TCEA3: variants seen among roughly 807,000 people sequenced by gnomAD.
TCEA3 encodes transcription elongation factor A protein 3.
A neutral mutation model predicts 44.0 loss-of-function variants in TCEA3; 36 were observed. The ratio of observed to expected loss-of-function variants is 0.82; its 90% confidence interval spans 0.63 to 1.08. TCEA3 has a LOEUF of 1.08. TCEA3 is among the 50% of genes least tolerant of loss of function. The probability of loss-of-function intolerance (pLI) is 0.00; values close to 1 mark genes in which losing one functional copy is unlikely to be tolerated. For missense variants in TCEA3, 392 were observed against 441.2 expected (o/e 0.89, Z 1.00); for synonymous variants, 162 against 159.7 (o/e 1.01, Z -0.11).
chr1:23,403,470 A>G (rs1185658849), intron 5 of TCEA3: 2 of 152,260 alleles, frequency 1.3e-5, no homozygotes, highest in African/African-American at 4.8e-5. Context: ...ACCAGGTTTC[A>G]TATGAGTATT....
chr1:23,410,388 G>A (rs1639673688), intron 4 of TCEA3, among the ~76,000 whole-genome samples: 1 of 152,044 alleles, frequency 6.6e-6, no homozygotes, highest in African/African-American at 2.4e-5. Context: ...TGACTGTTAT[G>A]AAAACTGTTC....
rs748263280 is a variant in TCEA3, at chr1:23,417,975, C to T, written c.167G>A (p.Arg56His). ...CACCTCCTTGTCTGAGCAGTGCTTG[C>T]GGACCCCATTAACAGCAACTCCAAT... Reference protein sequence around the residue: ...TRIGVAVNGVRKHCSDKEVVS... With the variant: ...TRIGVAVNGVHKHCSDKEVVS... Residue 56 changes from arginine to histidine, a missense_variant, in exon 3 of 11, where the codon CGC (arginine) becomes CAC (histidine). Transcript: ENST00000450454. 18 of 1,613,914 alleles carry T rather than the reference C, an allele frequency of 1.1e-5. No homozygotes were observed. The highest frequency in any genetic ancestry group is 6.7e-5 in the African/African-American group (5 of 74,936).
At chr1:23,390,355 C>T (rs902633526) in intron 8 of TCEA3, among the ~76,000 whole-genome samples, 1 of 152,124 alleles carries the variant, frequency 6.6e-6, no homozygotes, top group Non-Finnish European at 1.5e-5. Flanking sequence ...CAGGTGCATG[C>T]CTGCAGTCCT....
In TCEA3 at chr1:23,417,924, T is replaced by C; in HGVS notation, c.218A>G (p.Lys73Arg). ...EVVSLAKVLI[K>R]NWKRLLDSPG... ...CTCACCTAGCAGCCGCTTCCAGTTT[T>C]TGATAAGGACTTTGGCCAAGGACAC... is the stretch of plus-strand genomic sequence containing the variant. Residue 73 changes from lysine to arginine, a missense_variant, in exon 3 of 11, where the codon AAA becomes AGA. Transcript: ENST00000450454. 6 of 1,614,060 alleles carry C rather than the reference T, an allele frequency of 3.7e-6. No homozygotes were observed. The highest frequency in any genetic ancestry group is 5.1e-6 in the Non-Finnish European group (6 of 1,179,904).
intron 6 of TCEA3, 78 bp downstream of exon 6, chr1:23,397,714 A>T (rs1424104399): frequency 2.4e-5 from 39 of 1,609,720 alleles, no homozygotes; most frequent in Non-Finnish European, 3.3e-5. Flanking sequence ...GCTGAGAAAG[A>T]CTGAATTTCA....
intron 4 of TCEA3, among the ~76,000 whole-genome samples, chr1:23,413,521 C>G (rs1639796633): frequency 6.6e-6 from 1 of 152,110 alleles, no homozygotes; most frequent in South Asian, 2.1e-4. Flanking sequence ...GCAACCTCAG[C>G]CTCCCAAATT....
rs777607556 is a variant in TCEA3, at chr1:23,387,433, A to G, written c.820-14T>C. 1.9e-6 allele frequency: 3 copies of G among 1,585,968 alleles called. No homozygotes were observed. The highest frequency in any genetic ancestry group is 1.3e-5 in the African/African-American group (1 of 74,536). ...ACTGGCCATTTCCTGGAGAAAAAAG[A>G]GTCTACCCTTCAGGGCTGAGGAGTT... is the stretch of plus-strand genomic sequence containing the variant. On this transcript the variant is annotated splice_polypyrimidine_tract_variant and intron_variant, in intron 8 of 10. Coordinates refer to ENST00000450454, the MANE Select transcript of TCEA3 (RefSeq NM_003196.3).
At chr1:23,420,326 C>T (rs983516467) in intron 1 of TCEA3, among the ~76,000 whole-genome samples, 3 of 152,170 alleles carry the variant, frequency 2.0e-5, no homozygotes, top group South Asian at 2.1e-4. Context: ...ACTGCAGCTT[C>T]GACTTTCCAG....
chr1:23,394,691 G>A (rs1437481203), intron 7 of TCEA3, among the ~76,000 whole-genome samples: 1 of 152,152 alleles, frequency 6.6e-6, no homozygotes, highest in Non-Finnish European at 1.5e-5. Context: ...TGGAACCCAC[G>A]CTGGGAATTG....
At chr1:23,401,413 C>T (rs1639390500) in intron 5 of TCEA3, among the ~76,000 whole-genome samples, 2 of 152,018 alleles carry the variant, frequency 1.3e-5, no homozygotes, top group African/African-American at 2.4e-5. Context: ...TAATTCTACC[C>T]GACCCTGCCT....
At chr1:23,387,608 G>A (rs761782215) in intron 8 of TCEA3, among the ~76,000 whole-genome samples, 189 bp from the exon 9 acceptor site, 3 of 152,192 alleles carry the variant, frequency 2.0e-5, no homozygotes, top group South Asian at 2.1e-4. Flanking sequence ...TCCTCCTGCC[G>A]CCCACGGCTG....
chr1:23,392,842 G>A (rs149268077), intron 8 of TCEA3, among the ~76,000 whole-genome samples: 228 of 152,186 alleles, frequency 1.5e-3, no homozygotes, highest in African/African-American at 5.0e-3. Context: ...CATTTTTGGC[G>A]CCAGGGACTG....
At chr1:23,406,648 GTGTTT>G in intron 5 of TCEA3, among the ~76,000 whole-genome samples, 1 of 152,040 alleles carries the variant, frequency 6.6e-6, no homozygotes, top group South Asian at 2.1e-4. Flanking sequence ...TTGTTGTGTT[GTGTTT>G]TGTTTTGTTT....
chr1:23,392,884 G>T (rs1045683159), intron 8 of TCEA3, among the ~76,000 whole-genome samples: 2 of 152,144 alleles, frequency 1.3e-5, no homozygotes, highest in Non-Finnish European at 2.9e-5. Flanking sequence ...CCATGGACAG[G>T]GTGGGGGATG....
intron 5 of TCEA3, among the ~76,000 whole-genome samples, chr1:23,399,146 A>ATATATG (rs1263434800): frequency 8.5e-4 from 76 of 89,496 alleles, no homozygotes; most frequent in Non-Finnish European, 1.2e-3. Flanking sequence ...GTATATATGT[A>ATATATG]TATATATATA....
At position 23,397,904 on chromosome 1, in the gene TCEA3, G is replaced by A. The variant is rs1248765958; in HGVS notation, c.495C>T (p.Pro165=). The A allele has an allele frequency of 6.2e-7, 1 of 1,613,744 alleles. No homozygotes were observed. Among genetic ancestry groups the A allele is most frequent in the East Asian group, 2.2e-5 (1 of 44,898 alleles). ...KAESPKTPSS[P]LTPTFASSMC... Reference sequence around the variant, plus strand: ...TGGAAGAGGCAAACGTGGGGGTCAAGGGGCTGCTAGGTGTTTTGGGGCTCT... The same window carrying A: ...TGGAAGAGGCAAACGTGGGGGTCAAAGGGCTGCTAGGTGTTTTGGGGCTCT... Residue 165 remains proline (P), a synonymous_variant, in exon 6 of 11, where the codon CCC becomes CCT. Transcript: ENST00000450454.
intron 4 of TCEA3, among the ~76,000 whole-genome samples, chr1:23,412,341 A>G (rs1639739437): frequency 1.3e-5 from 2 of 150,486 alleles, no homozygotes; most frequent in African/African-American, 4.9e-5. Context: ...TGCAGGCTGC[A>G]GTGAGCTGTG....
At chr1:23,387,500 C>T (rs1183864626) in intron 8 of TCEA3, 81 bp from the exon 9 acceptor site, 1 of 1,452,576 alleles carries the variant, frequency 6.9e-7, no homozygotes, top group Non-Finnish European at 9.2e-7. Flanking sequence ...AAAGCCTGAA[C>T]AGAAAAGGAG....
chr1:23,405,284 T>G (rs1639510491), intron 5 of TCEA3, among the ~76,000 whole-genome samples: 2 of 151,914 alleles, frequency 1.3e-5, no homozygotes, highest in South Asian at 4.2e-4. Context: ...CAGGAAACAG[T>G]CTGGGTAGGA....
Sources: allele counts gnomAD v4.1 joint callset (sites outside exome capture counted in the v4.1 genomes callset), GRCh38; gene constraint gnomAD v4.1.1; transcripts MANE v1.5; gene names NCBI Gene and HGNC (gene_info 2026-07-23, HGNC 2026-07-21).